Variants in PTPRD observed in about 807,000 individuals in gnomAD.
The protein encoded by PTPRD is receptor-type tyrosine-protein phosphatase delta.
A neutral mutation model predicts 214.5 loss-of-function variants in PTPRD; 34 were observed. That is an observed-to-expected ratio of 0.16 (90% CI 0.12 to 0.21). The LOEUF (loss-of-function observed/expected upper bound fraction) is 0.21. PTPRD is among the 10% of genes least tolerant of loss of function. The pLI is 1.00. For missense variants in PTPRD, 2,545 were observed against 2,398.7 expected, an observed-to-expected ratio of 1.06 and a Z score of -1.27; for synonymous variants, 1,128 against 845.7, an observed-to-expected ratio of 1.33 and a Z score of -5.79.
At chr9:10,516,001 A>G (rs776348956) in intron 2 of PTPRD, among the ~76,000 whole-genome samples, 13 of 151,902 alleles carry the variant, frequency 8.6e-5, no homozygotes, top group Non-Finnish European at 1.0e-4. Flanking sequence ...TTGTTTCCAC[A>G]TGTTTGTTAT....
At chr9:8,390,341 C>A (rs1402378602) in intron 36 of PTPRD, among the ~76,000 whole-genome samples, 1 of 152,118 alleles carries the variant, frequency 6.6e-6, no homozygotes, top group Non-Finnish European at 1.5e-5. Flanking sequence ...ACTCTAGACA[C>A]TGGTCTGCTT....
chr9:9,231,875 C>T (rs990014589), intron 9 of PTPRD, among the ~76,000 whole-genome samples: 5 of 152,068 alleles, frequency 3.3e-5, no homozygotes, highest in African/African-American at 1.2e-4. Context: ...ATGTTAAATA[C>T]TTCCTTTTTC....
At chr9:10,508,720 T>C (rs2046942043) in intron 2 of PTPRD, among the ~76,000 whole-genome samples, 1 of 152,014 alleles carries the variant, frequency 6.6e-6, no homozygotes, top group African/African-American at 2.4e-5. Flanking sequence ...CCGCATGTTC[T>C]CACTCATAGG....
chr9:9,975,668 C>T lies in PTPRD; in HGVS notation c.-471-37058G>A, dbSNP rs1173618873. On this transcript the variant is annotated intron_variant, in intron 4 of 45. Coordinates refer to ENST00000381196, the MANE Select transcript of PTPRD (RefSeq NM_002839.4). ...TTATATCAACCTACTAAAATACACA[C>T]CACCACCAACAAGGAGATCTCTGTT... Among the ~76,000 whole-genome samples, 4 of 152,286 alleles carry T rather than the reference C, an allele frequency of 2.6e-5. No individual in the cohort carries two copies. In the East Asian group the frequency reaches 7.7e-4, roughly 29 times the overall value.
intron 12 of PTPRD, among the ~76,000 whole-genome samples, chr9:8,672,199 G>C (rs1596541355): frequency 6.6e-6 from 1 of 152,058 alleles, no homozygotes; most frequent in African/African-American, 2.4e-5. Context: ...GTTACCTCTA[G>C]ATCTTCTTAA....
At chr9:10,537,414 C>T (rs2058080695) in intron 2 of PTPRD, among the ~76,000 whole-genome samples, 1 of 152,014 alleles carries the variant, frequency 6.6e-6, no homozygotes, top group Non-Finnish European at 1.5e-5. Flanking sequence ...TTGTGTTGTA[C>T]TTATTTTTAT....
chr9:9,664,613 G>C (rs1202803221), intron 7 of PTPRD, among the ~76,000 whole-genome samples: 1 of 151,662 alleles, frequency 6.6e-6, no homozygotes, highest in African/African-American at 2.4e-5. Flanking sequence ...TCAAAAGTTA[G>C]ACAATTCATT....
At chr9:9,206,993 C>A (rs1362832703) in intron 9 of PTPRD, among the ~76,000 whole-genome samples, 1 of 151,994 alleles carries the variant, frequency 6.6e-6, no homozygotes, top group Non-Finnish European at 1.5e-5. Context: ...TGTAATAAAC[C>A]AGGTGGAAAA....
chr9:10,297,507 T>G (rs1377244411), intron 3 of PTPRD, among the ~76,000 whole-genome samples: 5 of 151,598 alleles, frequency 3.3e-5, no homozygotes, highest in Admixed American at 3.3e-4. Flanking sequence ...GTAGGGAAAG[T>G]GAATTCCCAG....
intron 9 of PTPRD, among the ~76,000 whole-genome samples, chr9:9,282,850 G>A (rs1948181486): frequency 6.6e-6 from 1 of 151,394 alleles, no homozygotes; most frequent in African/African-American, 2.4e-5. Context: ...CAAGCAAGGT[G>A]GCTCCAAAAT....
chr9:9,297,337 G>T (rs546691273), intron 9 of PTPRD, among the ~76,000 whole-genome samples: 206 of 151,634 alleles, frequency 1.4e-3, no homozygotes, highest in African/African-American at 4.7e-3. Flanking sequence ...TTTGGGTCTT[G>T]CAAACATAAT....
intron 14 of PTPRD, among the ~76,000 whole-genome samples, chr9:8,603,005 A>C (rs1185424763): frequency 6.6e-6 from 1 of 152,120 alleles, no homozygotes; most frequent in Non-Finnish European, 1.5e-5. Flanking sequence ...TTCCAACAAC[A>C]CTGCAAAAAA....
At chr9:9,756,059 A>ATTT (rs2098570368) in intron 6 of PTPRD, among the ~76,000 whole-genome samples, 1 of 152,052 alleles carries the variant, frequency 6.6e-6, no homozygotes, top group Non-Finnish European at 1.5e-5. Context: ...TCCCTCTCAT[A>ATTT]AACCTTTATA....
At chr9:10,018,183 G>C (rs1020366105) in intron 4 of PTPRD, among the ~76,000 whole-genome samples, 4 of 120,002 alleles carry the variant, frequency 3.3e-5, no homozygotes, top group African/African-American at 1.0e-4. Context: ...GGGAGGGAGG[G>C]GAAGAGGAGG....
chr9:10,007,029 A>G (rs1321795624), intron 4 of PTPRD, among the ~76,000 whole-genome samples: 1 of 151,954 alleles, frequency 6.6e-6, no homozygotes, highest in Non-Finnish European at 1.5e-5. Flanking sequence ...TCTCTTGATG[A>G]TAACATTATA....
At chr9:8,958,242 C>G (rs1184636231) in intron 11 of PTPRD, among the ~76,000 whole-genome samples, 1 of 151,774 alleles carries the variant, frequency 6.6e-6, no homozygotes, top group Non-Finnish European at 1.5e-5. Context: ...TCTTTGTGTC[C>G]TGCTTGCCAC....
chr9:9,703,129 G>A (rs1290125683), intron 7 of PTPRD, among the ~76,000 whole-genome samples: 1 of 152,086 alleles, frequency 6.6e-6, no homozygotes, highest in African/African-American at 2.4e-5. Context: ...TCGCGATGGT[G>A]ACTTCTCATG....
In PTPRD at chr9:10,294,468, G is replaced by C. The variant is rs549011971; in HGVS notation, c.-545+46495C>G. 3.3e-5 allele frequency among the ~76,000 whole-genome samples: 5 copies of C among 151,822 alleles called. No individual in the cohort carries two copies. In the East Asian group the frequency reaches 9.6e-4, roughly 29 times the overall value. ...AATTTGGACAATGACTGTAAATCAA[G>C]TCAACTCAAAAGCCTTATTTTTTTC... On this transcript the variant is annotated intron_variant, in intron 3 of 45. Coordinates refer to ENST00000381196, the MANE Select transcript of PTPRD (RefSeq NM_002839.4).
chr9:10,311,904 G>A (rs1565214940), intron 3 of PTPRD, among the ~76,000 whole-genome samples: 1 of 151,988 alleles, frequency 6.6e-6, no homozygotes, highest in Non-Finnish European at 1.5e-5. Context: ...CATTGGGAGA[G>A]ATGTCATAGA....
Sources: gnomAD v4.1 joint callset for allele counts (sites outside exome capture counted in the v4.1 genomes callset) on GRCh38, gnomAD v4.1.1 for gene constraint, MANE v1.5 for transcripts, NCBI Gene and HGNC (gene_info 2026-07-23, HGNC 2026-07-21) for gene names.